NLRP14: variants seen among roughly 807,000 people sequenced by gnomAD.
NLRP14 encodes NLR family pyrin domain containing 14.
In NLRP14, 105 loss-of-function variants were observed where a neutral mutation model predicts 94.7. The observed-to-expected ratio is 1.11, with a 90% confidence interval of 0.95 to 1.30. NLRP14 has a LOEUF of 1.30. Among genes scored for constraint, NLRP14 ranks in the 50% most tolerant of loss-of-function variants. The pLI is 0.00. For synonymous variants in NLRP14, 508 were observed against 459.9 expected (o/e 1.10, Z -1.34); for missense variants, 1,362 against 1,254.1 (o/e 1.09, Z -1.30).
At chr11:7,077,623 C>T in the NLRP14 span, among the ~76,000 whole-genome samples, 1 of 152,236 alleles carries the variant, frequency 6.6e-6, no homozygotes, top group Non-Finnish European at 1.5e-5. Flanking sequence ...AATGGACTTA[C>T]AGTTCCATGT....
chr11:7,086,291 C>A, the NLRP14 span, among the ~76,000 whole-genome samples: 1 of 152,162 alleles, frequency 6.6e-6, no homozygotes, highest in East Asian at 1.9e-4. Context: ...GGGGAAGTTT[C>A]AATTAATGTC....
At chr11:7,074,888 A>G (rs1852855393), downstream of NLRP14, among the ~76,000 whole-genome samples, 1 of 152,242 alleles carries the variant, frequency 6.6e-6, no homozygotes, top group Non-Finnish European at 1.5e-5. Flanking sequence ...TGCCCAGTAA[A>G]TCTACATTTT....
chr11:7,067,084 A>G lies in NLRP14; in HGVS notation c.2976-3202A>G, dbSNP rs202129885. Among the ~76,000 whole-genome samples, 11 of 152,274 alleles carry G rather than the reference A, an allele frequency of 7.2e-5. No individual in the cohort carries two copies. The East Asian group carries it at 1.5e-3, about 21-fold the overall frequency. ...ATATATCTGTTTTGGTACCAGTACCATGCTGTTTTGGTTACTGTAGTCTTG... is the reference window on the plus strand; with the variant it reads ...ATATATCTGTTTTGGTACCAGTACCGTGCTGTTTTGGTTACTGTAGTCTTG... On this transcript the variant is annotated intron_variant, in intron 10 of 11. Coordinates refer to ENST00000299481, the MANE Select transcript of NLRP14 (RefSeq NM_176822.4).
chr11:7,086,495 A>G, the NLRP14 span, among the ~76,000 whole-genome samples: 1 of 152,210 alleles, frequency 6.6e-6, no homozygotes, highest in African/African-American at 2.4e-5. Context: ...AATCTTGTTC[A>G]TTTCTATTTA....
the NLRP14 span, among the ~76,000 whole-genome samples, chr11:7,077,325 A>T: frequency 6.6e-6 from 1 of 152,230 alleles, no homozygotes; most frequent in Non-Finnish European, 1.5e-5. Context: ...CCGAGAGCCC[A>T]CAACGGCTAG....
chr11:7,069,770 G>A (rs180717924), intron 10 of NLRP14, among the ~76,000 whole-genome samples: 13 of 152,174 alleles, frequency 8.5e-5, no homozygotes, highest in Middle Eastern at 3.4e-3. Context: ...GGGATTACAG[G>A]CGCTTACCAC....
chr11:7,038,865 A>G lies in NLRP14; in HGVS notation c.279A>G (p.Glu93=), dbSNP rs750704185. 5.6e-6 allele frequency: 9 copies of G among 1,613,342 alleles called. No individual in the cohort carries two copies. The highest frequency in any genetic ancestry group is 7.6e-6 in the Non-Finnish European group (9 of 1,179,924). The change falls in exon 2 of 12, where the codon GAA becomes GAG. Residue 93 remains glutamate (E), a synonymous_variant. Transcript: ENST00000299481. ...AGGATCTGTGTGAGAGAGCGAAAGAAGAGATCAACTGTGAGTGATGCTAGG... is the reference window on the plus strand; with the variant it reads ...AGGATCTGTGTGAGAGAGCGAAAGAGGAGATCAACTGTGAGTGATGCTAGG... The part of the protein sequence containing the change: ...NLKDLCERAK[E]EINWSAQTIG...
At chr11:7,064,825 T>A (rs1852680025) in intron 10 of NLRP14, among the ~76,000 whole-genome samples, 1 of 152,092 alleles carries the variant, frequency 6.6e-6, no homozygotes, top group South Asian at 2.1e-4. Context: ...ATATACTCTT[T>A]TTTTTTCCAG....
chr11:7,090,374 A>C, the NLRP14 span: 6 of 1,468,308 alleles, frequency 4.1e-6, no homozygotes, highest in Non-Finnish European at 5.6e-6. Flanking sequence ...TATGGTAACT[A>C]CCCAAGGACT....
the NLRP14 span, among the ~76,000 whole-genome samples, chr11:7,084,218 A>G: frequency 6.6e-6 from 1 of 152,174 alleles, no homozygotes; most frequent in East Asian, 1.9e-4. Context: ...AATATTCCAA[A>G]GTCAGTCCTG....
At chr11:7,078,592 C>A in the NLRP14 span, among the ~76,000 whole-genome samples, 1 of 151,798 alleles carries the variant, frequency 6.6e-6, no homozygotes, top group South Asian at 2.1e-4. Flanking sequence ...GTGTTTGAGA[C>A]CACCCTGGCT....
At chr11:7,058,187 G>C in intron 7 of NLRP14, 93 bp from the exon 8 acceptor site, 1 of 1,002,394 alleles carries the variant, frequency 1.0e-6, no homozygotes. Flanking sequence ...TTGAGGTATG[G>C]GGGTTATAAG....
At position 7,062,358 on chromosome 11, in the gene NLRP14, G is replaced by A; in HGVS notation, c.2830G>A (p.Ala944Thr). ...LELMGCVLTN[A>T]CCLDLASVIL... is the part of the protein sequence containing the mutation. The stretch of plus-strand genomic sequence containing the variant: ...ATTGATGGGCTGTGTTCTCACTAAT[G>A]CATGTTGTCTGGATCTGGCTTCTGT... The change falls in exon 10 of 12, where the codon GCA (alanine) becomes ACA (threonine). Residue 944 changes from alanine (A) to threonine (T), a missense_variant. Transcript: ENST00000299481. 1 of 1,612,936 alleles carries A rather than the reference G, an allele frequency of 6.2e-7. No homozygotes were observed. The highest frequency in any genetic ancestry group is 8.5e-7 in the Non-Finnish European group (1 of 1,179,174).
chr11:7,059,871 T>G, intron 8 of NLRP14, 23 bp from the exon 9 acceptor site: 1 of 1,600,886 alleles, frequency 6.2e-7, no homozygotes, highest in Non-Finnish European at 8.6e-7. Context: ...ATTCCATCTT[T>G]CTTCACATTG....
At chr11:7,041,175 T>C (rs1427475944) in intron 3 of NLRP14, among the ~76,000 whole-genome samples, 1 of 152,204 alleles carries the variant, frequency 6.6e-6, no homozygotes, top group Non-Finnish European at 1.5e-5. Flanking sequence ...TTCTTCTCCC[T>C]GCCTGGCCAA....
intron 10 of NLRP14, among the ~76,000 whole-genome samples, chr11:7,068,679 C>T (rs908891448): frequency 2.0e-5 from 3 of 151,974 alleles, no homozygotes; most frequent in East Asian, 1.9e-4. Flanking sequence ...TTTCTAAGTA[C>T]GGGGTCTTTT....
chr11:7,068,665 A>AT (rs1451783416), intron 10 of NLRP14, among the ~76,000 whole-genome samples: 1 of 152,056 alleles, frequency 6.6e-6, no homozygotes, highest in Non-Finnish European at 1.5e-5. Context: ...TTTAATTTAT[A>AT]TTTTTTCTAA....
In NLRP14 at chr11:7,070,236, T is replaced by C. The variant is rs535252715; in HGVS notation, c.2976-50T>C. 26 of 1,349,132 alleles carry C rather than the reference T, an allele frequency of 1.9e-5. No individual in the cohort carries two copies. In the South Asian group the frequency reaches 3.1e-4, roughly 16 times the overall value. 83.6% of individuals were successfully genotyped at this position (1,349,132 alleles called of 1,614,324 possible). A position where few individuals can be genotyped will look rare whatever the true frequency, so the allele number is the denominator to read the frequency against. On this transcript the variant is annotated intron_variant, in intron 10 of 11. Coordinates refer to ENST00000299481, the MANE Select transcript of NLRP14 (RefSeq NM_176822.4). ...GTTCACAGATCTCTTGTGGGCTTTGTTGTGTCATCGAATAAATTCATTTTT... is the reference window on the plus strand; with the variant it reads ...GTTCACAGATCTCTTGTGGGCTTTGCTGTGTCATCGAATAAATTCATTTTT...
the NLRP14 span, chr11:7,090,229 G>T: frequency 6.2e-7 from 1 of 1,611,404 alleles, no homozygotes; most frequent in Non-Finnish European, 8.5e-7. Context: ...CGGTCAGGCT[G>T]CAGGGTGCCC....
Sources: gnomAD v4.1 joint callset for allele counts (sites outside exome capture counted in the v4.1 genomes callset) on GRCh38, gnomAD v4.1.1 for gene constraint, MANE v1.5 for transcripts, NCBI Gene and HGNC (gene_info 2026-07-23, HGNC 2026-07-21) for gene names.